OPCML: variants seen among roughly 807,000 people sequenced by gnomAD.
OPCML encodes opioid-binding protein/cell adhesion molecule.
In OPCML, 13 loss-of-function variants were observed where a neutral mutation model predicts 37.8. That is an observed-to-expected ratio of 0.34 (90% CI 0.22 to 0.55). The LOEUF is 0.55. OPCML is among the 20% of genes least tolerant of loss of function. The pLI, the probability that OPCML is intolerant of heterozygous loss-of-function variation, is 0.91. For missense variants in OPCML, 341 were observed against 435.6 expected, an observed-to-expected ratio of 0.78 and a Z score of 1.93; for synonymous variants, 176 against 168.8, an observed-to-expected ratio of 1.04 and a Z score of -0.33.
Position 133,532,478 on chromosome 11 carries a change from T to C in OPCML, c.-154A>G, listed in dbSNP as rs2120783708. The C allele has an allele frequency of 4.8e-6, 4 of 840,644 alleles. No homozygotes were observed. Among genetic ancestry groups the C allele is most frequent in the Middle Eastern group, 2.6e-4 (1 of 3,884 alleles). 52.1% of individuals were successfully genotyped at this position (840,644 alleles called of 1,614,324 possible). A position where few individuals can be genotyped will look rare whatever the true frequency, so the allele number is the denominator to read the frequency against. ...GAAGAGAGAGAGAGCGCGCGAGAGA[T>C]GGGAGCAGGCAGGCAGCGTCTCTGA... On this transcript the variant is annotated 5_prime_UTR_variant, in exon 1 of 8. Transcript: ENST00000524381.
chr11:132,702,449 G>C (rs1405887977), intron 2 of OPCML, among the ~76,000 whole-genome samples: 2 of 152,128 alleles, frequency 1.3e-5, no homozygotes, highest in Non-Finnish European at 2.9e-5. Flanking sequence ...GGTTTCCATT[G>C]TATGTAACCA....
At chr11:132,612,250 C>T (rs532380587) in intron 3 of OPCML, among the ~76,000 whole-genome samples, 43 of 152,224 alleles carry the variant, frequency 2.8e-4, no homozygotes, top group African/African-American at 9.4e-4. Flanking sequence ...TCCCTTGGAA[C>T]GAAACAGCTC....
chr11:133,060,832 C>T (rs987499691), intron 1 of OPCML, among the ~76,000 whole-genome samples: 2 of 152,236 alleles, frequency 1.3e-5, no homozygotes, highest in African/African-American at 2.4e-5. Context: ...ATGACAGGCT[C>T]ACCAAACCCT....
intron 1 of OPCML, among the ~76,000 whole-genome samples, chr11:133,136,058 A>T (rs2137148478): frequency 6.6e-6 from 1 of 152,320 alleles, no homozygotes; most frequent in Non-Finnish European, 1.5e-5. Context: ...AAGACCTAAG[A>T]ATCTAGCTAT....
chr11:132,738,278 A>C (rs1945323501), intron 2 of OPCML, among the ~76,000 whole-genome samples: 1 of 152,200 alleles, frequency 6.6e-6, no homozygotes, highest in African/African-American at 2.4e-5. Flanking sequence ...TAATTGTATA[A>C]TGTCGCCTGT....
At chr11:132,805,766 A>G (rs10894608) in intron 2 of OPCML, among the ~76,000 whole-genome samples, 33,900 of 152,162 alleles carry the variant, frequency 0.22, 4,787 homozygotes, top group Non-Finnish European at 0.33. Context: ...GTAAGAAATT[A>G]AAAAAGATAT....
In OPCML at chr11:132,862,849, G is replaced by A. The variant is rs190647970; in HGVS notation, c.146+80077C>T. On this transcript the variant is annotated intron_variant, in intron 2 of 7. Coordinates refer to ENST00000524381, the MANE Select transcript of OPCML (RefSeq NM_001012393.5). Reference sequence around the variant, plus strand: ...AAATATTTCAAATCCTTACACACAAGTGAGACCTAAAGTTTCCAGGCTATT... The same window carrying A: ...AAATATTTCAAATCCTTACACACAAATGAGACCTAAAGTTTCCAGGCTATT... Among the ~76,000 whole-genome samples the A allele has an allele frequency of 5.9e-5, 9 of 152,266 alleles. No homozygotes were observed. The East Asian group carries it at 1.7e-3, about 29-fold the overall frequency.
chr11:132,569,951 G>GAA (rs35386323), intron 3 of OPCML, among the ~76,000 whole-genome samples: 4 of 142,638 alleles, frequency 2.8e-5, no homozygotes, highest in African/African-American at 2.6e-5. Flanking sequence ...TGCATTCAGT[G>GAA]AAAAAAAAAA....
intron 4 of OPCML, among the ~76,000 whole-genome samples, chr11:132,476,625 G>A (rs976620472): frequency 6.6e-6 from 1 of 151,902 alleles, no homozygotes; most frequent in African/African-American, 2.4e-5. Context: ...TCACTCATAG[G>A]TGGGAATTGA....
rs370117091 is a variant in OPCML at position 132,816,528 on chromosome 11, A to G, written c.146+126398T>C. 1.5e-3 allele frequency among the ~76,000 whole-genome samples: 234 copies of G among 152,362 alleles called. 5 individuals carry two copies. The South Asian group carries it at 0.031, about 20-fold the overall frequency. The stretch of plus-strand genomic sequence containing the variant: ...CAAAAACATTCTTATTTTATGTGTT[A>G]TACAAAAACAAGAAGTGGGCATTTA... On this transcript the variant is annotated intron_variant, in intron 2 of 7. Coordinates refer to ENST00000524381, the MANE Select transcript of OPCML (RefSeq NM_001012393.5).
intron 1 of OPCML, among the ~76,000 whole-genome samples, chr11:133,035,698 G>A (rs11223334): frequency 0.048 from 7,334 of 152,202 alleles, 246 homozygotes; most frequent in Middle Eastern, 0.099. Context: ...AACTGTATTT[G>A]GAGATGGACC....
At chr11:132,495,894 CAA>C (rs202115452) in intron 4 of OPCML, among the ~76,000 whole-genome samples, 31,416 of 99,718 alleles carry the variant, frequency 0.32, 3,749 homozygotes, top group East Asian at 0.65. Flanking sequence ...GACTCCATCT[CAA>C]AAAAAAAAAA....
chr11:133,416,830 A>G (rs1945779407), intron 1 of OPCML, among the ~76,000 whole-genome samples: 1 of 152,156 alleles, frequency 6.6e-6, no homozygotes. Flanking sequence ...ATTTTATGCT[A>G]AAGAAGTGAC....
chr11:132,994,152 G>A (rs1391000944), intron 1 of OPCML, among the ~76,000 whole-genome samples: 1 of 152,224 alleles, frequency 6.6e-6, no homozygotes, highest in Non-Finnish European at 1.5e-5. Context: ...CCAGGTTCCA[G>A]AGCTATTGTT....
chr11:133,015,443 G>T (rs1441832177), intron 1 of OPCML, among the ~76,000 whole-genome samples: 74 of 112,250 alleles, frequency 6.6e-4, no homozygotes, highest in African/African-American at 9.6e-4. Context: ...AAGGAAGGAA[G>T]GAAGGAAGGA....
chr11:133,059,764 A>G (rs867913123), intron 1 of OPCML, among the ~76,000 whole-genome samples: 4 of 152,188 alleles, frequency 2.6e-5, no homozygotes, highest in Non-Finnish European at 5.9e-5. Context: ...ATGGAGCACA[A>G]TATGTGCTTG....
intron 2 of OPCML, among the ~76,000 whole-genome samples, chr11:132,740,125 C>T (rs910187173): frequency 4.6e-5 from 7 of 152,112 alleles, no homozygotes; most frequent in Non-Finnish European, 5.9e-5. Context: ...AAGCAGGTGT[C>T]GAAGGATAAA....
intron 3 of OPCML, among the ~76,000 whole-genome samples, chr11:132,553,508 G>A (rs1420779622): frequency 6.6e-6 from 1 of 152,150 alleles, no homozygotes; most frequent in African/African-American, 2.4e-5. Flanking sequence ...GAACTGCTGG[G>A]CCACAGAAGG....
chr11:133,419,654 G>A (rs1945841864), intron 1 of OPCML, among the ~76,000 whole-genome samples: 2 of 152,096 alleles, frequency 1.3e-5, no homozygotes, highest in South Asian at 4.1e-4. Context: ...TGACCATGGC[G>A]AGCATATTTA....
Sources: allele counts gnomAD v4.1 joint callset (sites outside exome capture counted in the v4.1 genomes callset), GRCh38; gene constraint gnomAD v4.1.1; transcripts MANE v1.5; gene names NCBI Gene and HGNC (gene_info 2026-07-23, HGNC 2026-07-21).